The following MINAR2 variants were observed in gnomAD, a reference collection of about 807,000 sequenced individuals.
The protein encoded by MINAR2 is membrane integral NOTCH2 associated receptor 2, also known as major intrinsically disordered NOTCH2-binding receptor 1-like.
MINAR2 carries 21 observed loss-of-function variants against 16.1 expected under a neutral mutation model. The observed-to-expected ratio is 1.31, with a 90% CI of 0.93 to 1.88. MINAR2 has a LOEUF of 1.88. MINAR2 is among the 40% of genes most tolerant of loss of function. The pLI is 0.00. For synonymous variants in MINAR2, 86 were observed against 83.0 expected, an observed-to-expected ratio of 1.04 and a Z score of -0.20; for missense variants, 259 against 229.8, an observed-to-expected ratio of 1.13 and a Z score of -0.82.
At chr5:129,748,455 G>C in intron 1 of MINAR2, 100 bp downstream of exon 1, 3 of 1,221,244 alleles carry the variant, frequency 2.5e-6, no homozygotes, top group Non-Finnish European at 3.3e-6. Flanking sequence ...TAGGAACAGA[G>C]TACAAGGTAG....
chr5:129,757,467 A>AT (rs1274158122), intron 1 of MINAR2, among the ~76,000 whole-genome samples: 2 of 151,886 alleles, frequency 1.3e-5, no homozygotes, highest in African/African-American at 4.8e-5. Flanking sequence ...AATTTAATTC[A>AT]TTTTTTGAAA....
In MINAR2 at chr5:129,765,145, C is replaced by A; in HGVS notation, c.*82C>A. On this transcript the variant is annotated 3_prime_UTR_variant, in exon 3 of 3. Transcript: ENST00000564719. ...TTTGAAACCCCCCCCACCAAAATAA[C>A]AAAAAAACACATGTACATGCAGTGT... The A allele has an allele frequency of 6.7e-6, 5 of 742,574 alleles. No individual in the cohort carries two copies. The highest frequency in any genetic ancestry group is 3.6e-5 in the African/African-American group (2 of 55,314). 46.0% of individuals were successfully genotyped at this position (742,574 alleles called of 1,614,324 possible).
chr5:129,755,558 TA>T, intron 1 of MINAR2, among the ~76,000 whole-genome samples: 2 of 152,114 alleles, frequency 1.3e-5, no homozygotes, highest in South Asian at 4.1e-4. Context: ...ATAAGTTTGG[TA>T]AGTTATATTA....
intron 1 of MINAR2, among the ~76,000 whole-genome samples, chr5:129,756,955 AAAAC>A (rs1192467838): frequency 2.1e-5 from 3 of 143,204 alleles, no homozygotes; most frequent in Admixed American, 7.4e-5. Context: ...AAAAAAAAAA[AAAAC>A]ACACACACAC....
At chr5:129,762,466 AGCACATAATTATC>A (rs1758149716) in intron 2 of MINAR2, 1 of 248,672 alleles carries the variant, frequency 4.0e-6, no homozygotes. Context: ...TTAGTGTGAT[AGCACATAATTATC>A]TCCTGTTAAA....
chr5:129,761,999 C>T (rs144339656), intron 2 of MINAR2, among the ~76,000 whole-genome samples: 98 of 151,996 alleles, frequency 6.4e-4, no homozygotes, highest in African/African-American at 2.2e-3. Context: ...GAACAACACA[C>T]GCTGGGGCCT....
chr5:129,748,487 T>C, intron 1 of MINAR2, 132 bp downstream of exon 1: 2 of 832,602 alleles, frequency 2.4e-6, no homozygotes, highest in Non-Finnish European at 3.5e-6. Context: ...TCCAACTTAG[T>C]CTTTCTCTCT....
intron 2 of MINAR2, among the ~76,000 whole-genome samples, chr5:129,762,139 C>A (rs1240106581): frequency 6.6e-6 from 1 of 151,896 alleles, no homozygotes; most frequent in East Asian, 1.9e-4. Context: ...ATGTAACAAA[C>A]CTGCACATTC....
chr5:129,749,016 C>G (rs1757953420), intron 1 of MINAR2, among the ~76,000 whole-genome samples: 1 of 152,120 alleles, frequency 6.6e-6, no homozygotes, highest in South Asian at 2.1e-4. Context: ...TTGCATTTTC[C>G]TTCTTTTTGC....
intron 1 of MINAR2, among the ~76,000 whole-genome samples, chr5:129,755,360 T>G (rs1758041880): frequency 6.6e-6 from 1 of 152,070 alleles, no homozygotes; most frequent in East Asian, 1.9e-4. Context: ...GAGCTGGGGA[T>G]TGTTCCTTTT....
chr5:129,763,575 A>G (rs571106180), intron 2 of MINAR2, among the ~76,000 whole-genome samples: 2 of 152,240 alleles, frequency 1.3e-5, no homozygotes, highest in South Asian at 2.1e-4. Context: ...CATTAAACTT[A>G]CAGAGTGCAG....
chr5:129,752,572 G>A (rs569245271), intron 1 of MINAR2, among the ~76,000 whole-genome samples: 5 of 152,198 alleles, frequency 3.3e-5, no homozygotes, highest in Admixed American at 6.5e-5. Context: ...GGACCTGTCC[G>A]GGGTTTAATG....
intron 2 of MINAR2, among the ~76,000 whole-genome samples, chr5:129,764,099 T>C (rs551119064): frequency 3.3e-5 from 5 of 152,306 alleles, no homozygotes; most frequent in African/African-American, 1.2e-4. Context: ...AAAATGTATT[T>C]TTATAAATGT....
Position 129,760,617 on chromosome 5 carries a change from T to G in MINAR2, c.393+12T>G. 6.6e-6 allele frequency: 10 copies of G among 1,521,354 alleles called. No individual in the cohort carries two copies. The highest frequency in any genetic ancestry group is 8.8e-6 in the Non-Finnish European group (10 of 1,134,100). 94.2% of individuals were successfully genotyped at this position (1,521,354 alleles called of 1,614,324 possible). A position where few individuals can be genotyped will look rare whatever the true frequency, so the allele number is the denominator to read the frequency against. On this transcript the variant is annotated intron_variant, in intron 2 of 2. Transcript: ENST00000564719. ...CTGGACATCTGAAGGTACTCACGACTAAGAGTCAACCTCTTCAACTGATAA... is the reference window on the plus strand; with the variant it reads ...CTGGACATCTGAAGGTACTCACGACGAAGAGTCAACCTCTTCAACTGATAA...
At chr5:129,750,811 G>A (rs775774246) in intron 1 of MINAR2, among the ~76,000 whole-genome samples, 23 of 152,122 alleles carry the variant, frequency 1.5e-4, no homozygotes, top group Non-Finnish European at 2.6e-4. Flanking sequence ...ACGCATGCAC[G>A]TGTGTGCACA....
At chr5:129,751,215 T>A (rs1053209099) in intron 1 of MINAR2, among the ~76,000 whole-genome samples, 10 of 152,146 alleles carry the variant, frequency 6.6e-5, no homozygotes, top group African/African-American at 2.4e-4. Context: ...AATCTATTTT[T>A]TTTTTCTTTC....
chr5:129,753,805 G>GGAAA (rs1758019333), intron 1 of MINAR2, among the ~76,000 whole-genome samples: 1 of 151,028 alleles, frequency 6.6e-6, no homozygotes, highest in Admixed American at 6.6e-5. Flanking sequence ...GACAGAGAAA[G>GGAAA]GAAGGAAGGA....
intron 1 of MINAR2, among the ~76,000 whole-genome samples, chr5:129,752,386 G>C (rs11242004): frequency 0.49 from 74,803 of 152,008 alleles, 20,576 homozygotes; most frequent in Non-Finnish European, 0.62. Context: ...GGAATACTAT[G>C]CAGCCATAGA....
intron 1 of MINAR2, among the ~76,000 whole-genome samples, chr5:129,751,776 T>C (rs2149544792): frequency 6.6e-6 from 1 of 152,330 alleles, no homozygotes; most frequent in South Asian, 2.1e-4. Flanking sequence ...ATGTTTCTGA[T>C]GAAGGCATTT....
Sources: gnomAD v4.1 joint callset for allele counts (sites outside exome capture counted in the v4.1 genomes callset) on GRCh38, gnomAD v4.1.1 for gene constraint, MANE v1.5 for transcripts, NCBI Gene and HGNC (gene_info 2026-07-23, HGNC 2026-07-21) for gene names.